The following USH2A variants were observed in gnomAD, a reference collection of about 807,000 sequenced individuals.
USH2A encodes the protein usherin.
USH2A carries 443 observed loss-of-function variants against 538.9 expected under a neutral mutation model. The ratio of observed to expected loss-of-function variants is 0.82; its 90% CI spans 0.76 to 0.89. The LOEUF (loss-of-function observed/expected upper bound fraction) is 0.89, where lower values mean the gene tolerates loss of function less well. Ranked by LOEUF, USH2A falls within the 40% of genes least tolerant of loss-of-function variation. USH2A has a pLI of 0.00. For missense variants in USH2A, 6,633 were observed against 6,324.8 expected (o/e 1.05, Z -1.65); for synonymous variants, 2,413 against 2,273.5 (o/e 1.06, Z -1.75).
chr1:216,294,687 C>T (rs1363238775), intron 9 of USH2A, among the ~76,000 whole-genome samples: 2 of 151,816 alleles, frequency 1.3e-5, no homozygotes, highest in Admixed American at 1.3e-4. Context: ...TAAACTCATA[C>T]TCACACCAGC....
intron 4 of USH2A, among the ~76,000 whole-genome samples, chr1:216,329,419 G>A (rs2037804187): frequency 6.6e-6 from 1 of 152,098 alleles, no homozygotes; most frequent in South Asian, 2.1e-4. Flanking sequence ...ATACAGCAAA[G>A]CCATTGTGTG....
chr1:215,677,550 G>A (rs11120597), intron 62 of USH2A, among the ~76,000 whole-genome samples: 26,549 of 151,890 alleles, frequency 0.17, 2,565 homozygotes, highest in South Asian at 0.37. Flanking sequence ...TCTCCTTGTC[G>A]AGATCACAGT....
chr1:216,084,441 G>A (rs925757817), intron 25 of USH2A, among the ~76,000 whole-genome samples: 39 of 152,070 alleles, frequency 2.6e-4, no homozygotes, highest in Non-Finnish European at 4.6e-4. Flanking sequence ...ATGGACATTG[G>A]TGATGCTAAC....
intron 21 of USH2A, among the ~76,000 whole-genome samples, chr1:216,168,956 C>T (rs908092259): frequency 1.3e-5 from 2 of 152,074 alleles, no homozygotes; most frequent in African/African-American, 4.8e-5. Flanking sequence ...CTCTGATCCC[C>T]AAACTCTCCA....
intron 20 of USH2A, among the ~76,000 whole-genome samples, chr1:216,189,091 T>G (rs2034666169): frequency 6.6e-6 from 1 of 151,978 alleles, no homozygotes; most frequent in Non-Finnish European, 1.5e-5. Context: ...ACTCCATCAA[T>G]GTATTCATGC....
At chr1:216,387,991 T>C (rs2039034298) in intron 3 of USH2A, among the ~76,000 whole-genome samples, 1 of 152,114 alleles carries the variant, frequency 6.6e-6, no homozygotes, top group Non-Finnish European at 1.5e-5. Flanking sequence ...GAATCAAGCA[T>C]GTGTCACACA....
chr1:215,705,892 G>T (rs1659169879), intron 61 of USH2A, among the ~76,000 whole-genome samples: 1 of 152,218 alleles, frequency 6.6e-6, no homozygotes, highest in South Asian at 2.1e-4. Flanking sequence ...ACTATATTCA[G>T]TGACTGATGC....
chr1:215,687,431 A>G (rs150621992), intron 61 of USH2A, among the ~76,000 whole-genome samples: 1,803 of 152,132 alleles, frequency 0.012, 38 homozygotes, highest in Non-Finnish European at 0.016. Context: ...CAATTCAAAA[A>G]GAAGACTCAA....
rs1301975809 is a variant in USH2A, at chr1:215,877,806, T to C, written c.8633A>G (p.Asn2878Ser). ...NPPEDLNRWH[N>S]IYSGTQWLYE... ...AAGCCACTGAGTTCCTGAATAAATA[T>C]TGTGCCACCGATTTAAATCTTCTGG... The change falls in exon 43 of 72, where the codon AAT becomes AGT. Residue 2878 changes from asparagine to serine, a missense_variant. By Grantham distance (46) the Asn-to-Ser change is conservative. Transcript: ENST00000307340. 1.9e-6 allele frequency: 3 copies of C among 1,613,664 alleles called. No individual in the cohort carries two copies. Among genetic ancestry groups the C allele is most frequent in the African/African-American group, 2.7e-5 (2 of 74,906 alleles).
rs572601506 is a variant in USH2A, at chr1:215,672,593, G to A, written c.13812-1300C>T. Among the ~76,000 whole-genome samples, 5 of 152,274 alleles carry A rather than the reference G, an allele frequency of 3.3e-5. No individual in the cohort carries two copies. The South Asian group carries it at 1.0e-3, about 32-fold the overall frequency. On this transcript the variant is annotated intron_variant, in intron 63 of 71. Coordinates refer to ENST00000307340, the MANE Select transcript of USH2A (RefSeq NM_206933.4). ...TTCATTTTCTGGGTTATCCGTGGTAGTTTTTAAATTTTGGGCTGGATTCCT... is the reference window on the plus strand; with the variant it reads ...TTCATTTTCTGGGTTATCCGTGGTAATTTTTAAATTTTGGGCTGGATTCCT...
At chr1:215,958,713 C>T (rs1294342327) in intron 37 of USH2A, among the ~76,000 whole-genome samples, 2 of 152,018 alleles carry the variant, frequency 1.3e-5, no homozygotes, top group African/African-American at 4.8e-5. Context: ...CCTCCTGATC[C>T]CCACAATGTA....
chr1:215,953,319 T>C (rs1252802278), intron 37 of USH2A, among the ~76,000 whole-genome samples: 1 of 152,126 alleles, frequency 6.6e-6, no homozygotes, highest in Non-Finnish European at 1.5e-5. Flanking sequence ...CAAACTAGAC[T>C]ACAAGGCTAC....
At chr1:216,242,369 A>G (rs1447490702) in intron 13 of USH2A, among the ~76,000 whole-genome samples, 1 of 149,680 alleles carries the variant, frequency 6.7e-6, no homozygotes, top group Non-Finnish European at 1.5e-5. Context: ...AGAAAAAAAA[A>G]GAAAAAAAAA....
At chr1:215,785,859 G>A (rs1348042303) in intron 52 of USH2A, among the ~76,000 whole-genome samples, 1 of 150,830 alleles carries the variant, frequency 6.6e-6, no homozygotes, top group Non-Finnish European at 1.5e-5. Flanking sequence ...GCAATGTTTT[G>A]CTTGTTTATT....
intron 50 of USH2A, among the ~76,000 whole-genome samples, chr1:215,795,849 C>T (rs996015381): frequency 6.6e-6 from 1 of 152,134 alleles, no homozygotes; most frequent in Non-Finnish European, 1.5e-5. Flanking sequence ...TATACGCTTA[C>T]GAATTATTGA....
At chr1:215,860,040 A>T (rs1263563500) in intron 44 of USH2A, among the ~76,000 whole-genome samples, 1 of 152,198 alleles carries the variant, frequency 6.6e-6, no homozygotes, top group Admixed American at 6.5e-5. Flanking sequence ...GTGGGTTTTT[A>T]GAAAGCCGGG....
At chr1:215,859,543 T>A (rs1664261407) in intron 44 of USH2A, among the ~76,000 whole-genome samples, 1 of 152,024 alleles carries the variant, frequency 6.6e-6, no homozygotes, top group South Asian at 2.1e-4. Flanking sequence ...CCAAAAAAAA[T>A]AAAGTAGTAT....
chr1:215,825,365 G>A (rs1402054928), intron 47 of USH2A, among the ~76,000 whole-genome samples: 1 of 151,996 alleles, frequency 6.6e-6, no homozygotes, highest in Non-Finnish European at 1.5e-5. Context: ...ACTTCCAGTT[G>A]TCCCTTGAAG....
intron 9 of USH2A, among the ~76,000 whole-genome samples, chr1:216,303,685 A>C (rs937564885): frequency 6.6e-6 from 1 of 151,948 alleles, no homozygotes; most frequent in Non-Finnish European, 1.5e-5. Context: ...TGTTAGCCTG[A>C]ATCATTTGTT....
Sources: allele counts gnomAD v4.1 joint callset (sites outside exome capture counted in the v4.1 genomes callset), GRCh38; gene constraint gnomAD v4.1.1; transcripts MANE v1.5; gene names NCBI Gene and HGNC (gene_info 2026-07-23, HGNC 2026-07-21).